RTL9: variants seen among roughly 807,000 people sequenced by gnomAD.
RTL9 encodes the protein retrotransposon Gag-like protein 9.
In RTL9, 19 loss-of-function variants were observed where a neutral mutation model predicts 44.7. The observed-to-expected ratio is 0.42, with a 90% CI of 0.30 to 0.62. The LOEUF (loss-of-function observed/expected upper bound fraction) is 0.62, where lower values mean the gene tolerates loss of function less well. RTL9 is among the 20% of genes least tolerant of loss of function. The probability of loss-of-function intolerance (pLI) is 0.16; values close to 1 mark genes in which losing one functional copy is unlikely to be tolerated. For missense variants in RTL9, 1,105 were observed against 1,080.6 expected (o/e 1.02, Z -0.32); for synonymous variants, 407 against 398.9 (o/e 1.02, Z -0.24).
chrX:110,365,696 C>T (rs989208636), intron 1 of RTL9, among the ~76,000 whole-genome samples: 1 of 111,942 alleles, frequency 8.9e-6, no homozygotes, highest in Admixed American at 9.5e-5. Flanking sequence ...CAGACTAAAC[C>T]TATTTTCCTT....
At chrX:110,407,627 G>C (rs2068611930) in intron 1 of RTL9, among the ~76,000 whole-genome samples, 2 of 111,955 alleles carry the variant, frequency 1.8e-5, no homozygotes, top group Non-Finnish European at 3.8e-5. Context: ...GATAGACCCT[G>C]GACTTGAACT....
chrX:110,408,067 G>A (rs971081251), intron 1 of RTL9, among the ~76,000 whole-genome samples: 1 of 112,924 alleles, frequency 8.9e-6, no homozygotes, highest in Non-Finnish European at 1.9e-5. Flanking sequence ...GCTGAGTTTA[G>A]TGGGGCACCC....
At chrX:110,418,188 A>C (rs1423154414), upstream of RTL9, among the ~76,000 whole-genome samples, 1 of 112,521 alleles carries the variant, frequency 8.9e-6, no homozygotes, top group African/African-American at 3.2e-5. Flanking sequence ...GGTGTAGAGG[A>C]ACAATGTGAA....
At chrX:110,379,709 A>T (rs956021512) in intron 1 of RTL9, among the ~76,000 whole-genome samples, 1 of 112,152 alleles carries the variant, frequency 8.9e-6, no homozygotes, top group African/African-American at 3.2e-5. Context: ...AGCAATGGTA[A>T]ATGGGGAAGC....
At chrX:110,404,270 T>C (rs2068583491) in intron 1 of RTL9, among the ~76,000 whole-genome samples, 1 of 111,765 alleles carries the variant, frequency 8.9e-6, no homozygotes, top group African/African-American at 3.3e-5. Flanking sequence ...CCCTTAATCG[T>C]CTTCATTGCT....
intron 1 of RTL9, among the ~76,000 whole-genome samples, chrX:110,379,067 T>C: frequency 8.9e-6 from 1 of 112,207 alleles, no homozygotes; most frequent in Admixed American, 9.4e-5. Flanking sequence ...AAATAAAGTT[T>C]GGAGACCTTT....
At chrX:110,432,073 G>A (rs1284716725) in intron 1 of RTL9, among the ~76,000 whole-genome samples, 2 of 112,014 alleles carry the variant, frequency 1.8e-5, no homozygotes, top group African/African-American at 6.5e-5. Context: ...GAGCTTTATG[G>A]CAGATGCTGA....
chrX:110,394,807 C>A (rs1163841218), intron 1 of RTL9, among the ~76,000 whole-genome samples: 1 of 112,855 alleles, frequency 8.9e-6, no homozygotes, highest in Admixed American at 9.3e-5. Context: ...CTGTAAGTTG[C>A]AGCACTAGCT....
chrX:110,378,423 C>A (rs1478084279), intron 1 of RTL9, among the ~76,000 whole-genome samples: 2 of 111,572 alleles, frequency 1.8e-5, no homozygotes, highest in Admixed American at 9.5e-5. Flanking sequence ...CTAAACATAG[C>A]TACCAGTCAT....
chrX:110,420,703 G>T (rs2068711162), intron 1 of RTL9, among the ~76,000 whole-genome samples: 1 of 112,135 alleles, frequency 8.9e-6, no homozygotes, highest in African/African-American at 3.2e-5. Flanking sequence ...CCACAAACCG[G>T]CTGGTTTTTT....
upstream of RTL9, among the ~76,000 whole-genome samples, chrX:110,446,382 T>G (rs2068908069): frequency 9.0e-6 from 1 of 110,965 alleles, no homozygotes; most frequent in Non-Finnish European, 1.9e-5. Context: ...GTACAACCAT[T>G]AAGCTTGTCG....
chrX:110,386,571 T>G (rs1231763029), intron 1 of RTL9, among the ~76,000 whole-genome samples: 1 of 111,992 alleles, frequency 8.9e-6, no homozygotes, highest in African/African-American at 3.2e-5. Flanking sequence ...TTCTTATATA[T>G]TCTGCATGCA....
intron 1 of RTL9, among the ~76,000 whole-genome samples, chrX:110,397,581 C>T (rs2068536074): frequency 9.0e-6 from 1 of 110,785 alleles, no homozygotes; most frequent in African/African-American, 3.3e-5. Flanking sequence ...GTCAGCAGTG[C>T]CAGAGCCACA....
At chrX:110,358,956 A>G (rs752346767) in intron 1 of RTL9, 40 bp downstream of exon 1, 1 of 111,833 alleles carries the variant, frequency 8.9e-6, no homozygotes, top group African/African-American at 3.3e-5. Flanking sequence ...ACGTTCTTCT[A>G]TAACGCTCTA....
At chrX:110,407,721 G>A (rs2068612606) in intron 1 of RTL9, among the ~76,000 whole-genome samples, 1 of 112,269 alleles carries the variant, frequency 8.9e-6, no homozygotes, top group Admixed American at 9.4e-5. Context: ...ATGGTTTGGG[G>A]CTATCTGTGT....
chrX:110,452,691 A>T, exon 1 of RTL9: 1 of 1,211,379 alleles, frequency 8.3e-7, no homozygotes, highest in East Asian at 3.0e-5. Context: ...CTCTGGAGGG[A>T]TGTCCATGCC....
At chrX:110,371,621 A>G (rs1395700550) in intron 1 of RTL9, among the ~76,000 whole-genome samples, 1 of 111,054 alleles carries the variant, frequency 9.0e-6, no homozygotes, top group African/African-American at 3.3e-5. Context: ...AATGTAAGGC[A>G]CTAACAGGGG....
At chrX:110,407,280 T>C (rs1025847176) in intron 1 of RTL9, among the ~76,000 whole-genome samples, 4 of 110,979 alleles carry the variant, frequency 3.6e-5, no homozygotes, top group African/African-American at 1.3e-4. Context: ...GTGAAGAGAG[T>C]CCTTGAGATT....
At chrX:110,365,362 C>T (rs2068290506) in intron 1 of RTL9, among the ~76,000 whole-genome samples, 1 of 112,196 alleles carries the variant, frequency 8.9e-6, no homozygotes, top group South Asian at 3.7e-4. Context: ...CGTTGAAATA[C>T]AGAATAAACT....
Sources: gnomAD v4.1 joint callset for allele counts (sites outside exome capture counted in the v4.1 genomes callset) on GRCh38, gnomAD v4.1.1 for gene constraint, MANE v1.5 for transcripts, NCBI Gene and HGNC (gene_info 2026-07-23, HGNC 2026-07-21) for gene names.